The following CCDC91 variants were observed in gnomAD, a reference collection of about 807,000 sequenced individuals.
CCDC91 encodes the protein coiled-coil domain-containing protein 91.
A neutral mutation model predicts 63.2 loss-of-function variants in CCDC91; 48 were observed. That is an observed-to-expected ratio of 0.76 (90% CI 0.60 to 0.97). The LOEUF (loss-of-function observed/expected upper bound fraction) is 0.97. Among genes scored for constraint, CCDC91 ranks in the 50% least tolerant of loss-of-function variants. The pLI, the probability that CCDC91 is intolerant of heterozygous loss-of-function variation, is 0.00. For missense variants in CCDC91, 500 were observed against 494.6 expected (o/e 1.01, Z -0.10); for synonymous variants, 167 against 165.8 (o/e 1.01, Z -0.06).
intron 6 of CCDC91, among the ~76,000 whole-genome samples, chr12:28,339,519 A>G (rs1942261171): frequency 6.6e-6 from 1 of 151,888 alleles, no homozygotes; most frequent in South Asian, 2.1e-4. Flanking sequence ...TGTGGATCAA[A>G]AATATTTGGG....
chr12:28,289,155 A>AT (rs545405666), intron 3 of CCDC91, among the ~76,000 whole-genome samples: 152 of 143,686 alleles, frequency 1.1e-3, no homozygotes, highest in Admixed American at 3.8e-3. Context: ...GATCTTTTGA[A>AT]TTTTTTTTTT....
intron 8 of CCDC91, among the ~76,000 whole-genome samples, chr12:28,392,352 A>C (rs192033193): frequency 6.6e-6 from 1 of 152,118 alleles, no homozygotes. Context: ...TTTATATTTT[A>C]CTCATGCTAC....
intron 1 of CCDC91, among the ~76,000 whole-genome samples, chr12:28,235,790 CATTT>C: frequency 6.6e-6 from 1 of 151,800 alleles, no homozygotes; most frequent in East Asian, 1.9e-4. Context: ...ATGAATTTGA[CATTT>C]ATAAGTATTT....
At chr12:28,352,095 T>G (rs889481838) in intron 6 of CCDC91, among the ~76,000 whole-genome samples, 1 of 152,250 alleles carries the variant, frequency 6.6e-6, no homozygotes, top group Non-Finnish European at 1.5e-5. Flanking sequence ...TACCGTAGAT[T>G]ATTGTATGTA....
At chr12:28,194,534 C>G (rs1230827570) in intron 1 of CCDC91, among the ~76,000 whole-genome samples, 1 of 152,176 alleles carries the variant, frequency 6.6e-6, no homozygotes. Context: ...CAGACCTTTG[C>G]AGTGAGTGAT....
intron 1 of CCDC91, among the ~76,000 whole-genome samples, chr12:28,247,479 C>T (rs1471531798): frequency 1.1e-5 from 1 of 91,992 alleles, no homozygotes; most frequent in African/African-American, 3.8e-5. Flanking sequence ...GACTCCGTCT[C>T]AAAAAAAAAA....
At chr12:28,482,800 G>A (rs1269272194) in intron 11 of CCDC91, among the ~76,000 whole-genome samples, 1 of 151,772 alleles carries the variant, frequency 6.6e-6, no homozygotes, top group African/African-American at 2.4e-5. Flanking sequence ...GTAAATATCT[G>A]CAATGTAGCA....
intron 8 of CCDC91, among the ~76,000 whole-genome samples, chr12:28,437,460 C>A (rs1948970221): frequency 6.6e-6 from 1 of 151,956 alleles, no homozygotes; most frequent in South Asian, 2.1e-4. Flanking sequence ...ATATATAAGG[C>A]TGATTAATAA....
At chr12:28,408,688 G>A (rs890632612) in intron 8 of CCDC91, among the ~76,000 whole-genome samples, 13 of 151,758 alleles carry the variant, frequency 8.6e-5, no homozygotes, top group African/African-American at 2.9e-4. Context: ...TGTATCCCAG[G>A]CTGGAGTGCA....
chr12:28,281,010 A>G (rs1592191901), intron 3 of CCDC91, among the ~76,000 whole-genome samples: 2 of 152,242 alleles, frequency 1.3e-5, no homozygotes, highest in African/African-American at 4.8e-5. Context: ...ATCCTATGCA[A>G]TATGGCTTTC....
intron 3 of CCDC91, among the ~76,000 whole-genome samples, chr12:28,261,315 T>TGA (rs1946810110): frequency 6.6e-6 from 1 of 151,954 alleles, no homozygotes; most frequent in African/African-American, 2.4e-5. Context: ...ATAATGACAC[T>TGA]TAAAGTTGTA....
intron 12 of CCDC91, among the ~76,000 whole-genome samples, chr12:28,522,921 G>T (rs139999672): frequency 6.6e-6 from 1 of 152,154 alleles, no homozygotes; most frequent in Non-Finnish European, 1.5e-5. Flanking sequence ...TAGTTTGATT[G>T]CCCTGTGGTC....
At chr12:28,294,176 A>C (rs1949410564) in intron 3 of CCDC91, among the ~76,000 whole-genome samples, 1 of 152,210 alleles carries the variant, frequency 6.6e-6, no homozygotes, top group Non-Finnish European at 1.5e-5. Flanking sequence ...CACACACACA[A>C]AAATACTGCA....
intron 1 of CCDC91, among the ~76,000 whole-genome samples, chr12:28,227,245 T>C (rs1301723838): frequency 5.3e-5 from 8 of 152,154 alleles, no homozygotes; most frequent in Non-Finnish European, 1.0e-4. Flanking sequence ...AAAGTCACTA[T>C]GTGCAGACCA....
intron 8 of CCDC91, 67 bp from the exon 9 acceptor site, chr12:28,450,094 G>C: frequency 1.2e-6 from 1 of 817,272 alleles, no homozygotes; most frequent in Non-Finnish European, 1.9e-6. Flanking sequence ...AATTCTACCA[G>C]CTACTCTCCT....
chr12:28,269,158 T>TGAGTAAA (rs1306562488), intron 3 of CCDC91, among the ~76,000 whole-genome samples: 3 of 152,136 alleles, frequency 2.0e-5, no homozygotes, highest in African/African-American at 7.2e-5. Context: ...TACTTTGTAT[T>TGAGTAAA]TACTCAGGTT....
intron 11 of CCDC91, among the ~76,000 whole-genome samples, chr12:28,456,812 C>T (rs979997865): frequency 6.6e-6 from 1 of 151,916 alleles, no homozygotes; most frequent in African/African-American, 2.4e-5. Context: ...GTTGAGTAGG[C>T]AGTTAGAAAT....
chr12:28,472,971 A>T (rs959891256), intron 11 of CCDC91, among the ~76,000 whole-genome samples: 2 of 152,182 alleles, frequency 1.3e-5, no homozygotes, highest in African/African-American at 4.8e-5. Context: ...GTTGTTGCAC[A>T]GGAAGTGTAT....
At chr12:28,502,746 TG>T (rs1163094043) in intron 12 of CCDC91, among the ~76,000 whole-genome samples, 2 of 150,950 alleles carry the variant, frequency 1.3e-5, no homozygotes, top group Admixed American at 1.3e-4. Flanking sequence ...TATAGATCAA[TG>T]GAACAGAACA....
Sources: gnomAD v4.1 joint callset for allele counts (sites outside exome capture counted in the v4.1 genomes callset) on GRCh38, gnomAD v4.1.1 for gene constraint, MANE v1.5 for transcripts, NCBI Gene and HGNC (gene_info 2026-07-23, HGNC 2026-07-21) for gene names.